The following SDK2 variants were observed in gnomAD, a reference collection of about 807,000 sequenced individuals.
SDK2 encodes the protein sidekick cell adhesion molecule 2.
A neutral mutation model predicts 253.9 loss-of-function variants in SDK2; 105 were observed. The ratio of observed to expected loss-of-function variants is 0.41; its 90% CI spans 0.35 to 0.49. The LOEUF (loss-of-function observed/expected upper bound fraction) is 0.49. SDK2 is among the 20% of genes least tolerant of loss of function. SDK2 has a pLI of 0.06. For synonymous variants in SDK2, 1,249 were observed against 1,234.9 expected (o/e 1.01, Z -0.24); for missense variants, 2,608 against 3,003.0 (o/e 0.87, Z 3.07).
intron 1 of SDK2, chr17:73,513,641 GTACTT>G (rs2063999329): frequency 6.6e-6 from 1 of 152,192 alleles, no homozygotes. Flanking sequence ...TGAAATGACA[GTACTT>G]CAGAGCCGCT....
rs2045503816 is a variant in SDK2 at position 73,579,543 on chromosome 17, C to T, written c.64+64482G>A. On this transcript the variant is annotated intron_variant, in intron 1 of 44. Coordinates refer to ENST00000392650, the MANE Select transcript of SDK2 (RefSeq NM_001144952.2). ...GATGGGCTGAATTGCCCTACCCACC[C>T]CAGAATCCAGATGTTGAAGTCCTAA... Among the ~76,000 whole-genome samples, 5 of 152,178 alleles carry T rather than the reference C, an allele frequency of 3.3e-5. No homozygotes were observed. In the South Asian group the frequency reaches 1.0e-3, roughly 31 times the overall value.
intron 1 of SDK2, among the ~76,000 whole-genome samples, chr17:73,558,272 C>T (rs1400743863): frequency 6.6e-6 from 1 of 152,244 alleles, no homozygotes; most frequent in Non-Finnish European, 1.5e-5. Context: ...AAAGATGTGG[C>T]TGTGACTAGC....
chr17:73,416,258 G>T (rs113354595), intron 16 of SDK2, among the ~76,000 whole-genome samples: 1 of 145,686 alleles, frequency 6.9e-6, no homozygotes, highest in African/African-American at 2.6e-5. Flanking sequence ...GCGCAGTGGC[G>T]CAATCTCGGC....
At chr17:73,376,547 A>G (rs2062782808) in intron 36 of SDK2, among the ~76,000 whole-genome samples, 1 of 152,222 alleles carries the variant, frequency 6.6e-6, no homozygotes, top group South Asian at 2.1e-4. Flanking sequence ...TCCAGGAGGT[A>G]GCACTTTCTC....
At chr17:73,474,750 A>G (rs1230733352) in intron 2 of SDK2, among the ~76,000 whole-genome samples, 1 of 152,132 alleles carries the variant, frequency 6.6e-6, no homozygotes, top group East Asian at 1.9e-4. Context: ...GAACTGTCTG[A>G]GTCTGTAAAG....
At chr17:73,396,373 G>A (rs12949882) in intron 24 of SDK2, among the ~76,000 whole-genome samples, 51,622 of 151,852 alleles carry the variant, frequency 0.34, 10,899 homozygotes, top group Non-Finnish European at 0.48. Context: ...ACAGAGCTGG[G>A]GTGGGGGCAT....
Position 73,350,384 on chromosome 17 carries a change from G to A in SDK2, c.5900-9C>T, listed in dbSNP as rs376004218. The A allele has an allele frequency of 2.5e-5, 40 of 1,611,864 alleles. No homozygotes were observed. The highest frequency in any genetic ancestry group is 1.5e-4 in the African/African-American group (11 of 74,894). ...AGACTTGGCACTGTTCCCTGAAGTCGGCGGGAGATTGACACCCTTTAGACT... is the reference window on the plus strand; with the variant it reads ...AGACTTGGCACTGTTCCCTGAAGTCAGCGGGAGATTGACACCCTTTAGACT... On this transcript the variant is annotated splice_polypyrimidine_tract_variant and intron_variant, in intron 42 of 44. Transcript: ENST00000392650.
At chr17:73,530,350 A>G (rs2064159734) in intron 1 of SDK2, among the ~76,000 whole-genome samples, 1 of 152,156 alleles carries the variant, frequency 6.6e-6, no homozygotes, top group African/African-American at 2.4e-5. Flanking sequence ...GAGAGAGTGC[A>G]GGGGAAACTA....
intron 1 of SDK2, among the ~76,000 whole-genome samples, chr17:73,626,350 C>T (rs1161716678): frequency 6.6e-6 from 1 of 152,240 alleles, no homozygotes; most frequent in East Asian, 1.9e-4. Flanking sequence ...CCAAGGAAAC[C>T]TCCACCCCCA....
At chr17:73,565,661 C>T (rs1234692286) in intron 1 of SDK2, among the ~76,000 whole-genome samples, 1 of 152,124 alleles carries the variant, frequency 6.6e-6, no homozygotes, top group Non-Finnish European at 1.5e-5. Flanking sequence ...GGTATTTATC[C>T]CCTCCAAATC....
chr17:73,478,661 A>C, intron 2 of SDK2, among the ~76,000 whole-genome samples: 1 of 152,158 alleles, frequency 6.6e-6, no homozygotes, highest in South Asian at 2.1e-4. Flanking sequence ...TAACAGCCTA[A>C]CAAATGTGGC....
chr17:73,375,896 A>AAATAC (rs2062775473), intron 36 of SDK2, among the ~76,000 whole-genome samples: 1 of 151,478 alleles, frequency 6.6e-6, no homozygotes, highest in East Asian at 1.9e-4. Flanking sequence ...AACTAAACTA[A>AAATAC]AATAAAATAA....
intron 1 of SDK2, among the ~76,000 whole-genome samples, chr17:73,537,167 G>A (rs749431720): frequency 1.3e-5 from 2 of 152,198 alleles, no homozygotes; most frequent in Non-Finnish European, 2.9e-5. Flanking sequence ...ATACTCAGCC[G>A]CAGATATTAA....
intron 1 of SDK2, among the ~76,000 whole-genome samples, chr17:73,563,060 C>G (rs992909643): frequency 2.0e-5 from 3 of 152,212 alleles, no homozygotes; most frequent in African/African-American, 7.2e-5. Flanking sequence ...GCCTCACTGC[C>G]TGCCGCCCCA....
chr17:73,466,716 C>CT (rs2063600745), intron 3 of SDK2, among the ~76,000 whole-genome samples: 1 of 50,434 alleles, frequency 2.0e-5, no homozygotes, highest in East Asian at 6.3e-4. Context: ...CTGGGGAACG[C>CT]CCCCCCCCCC....
intron 2 of SDK2, among the ~76,000 whole-genome samples, chr17:73,484,711 C>A (rs541409139): frequency 5.3e-5 from 8 of 152,226 alleles, no homozygotes; most frequent in Admixed American, 5.2e-4. Context: ...TCCTTCCTGC[C>A]TCCTTCAGCT....
intron 1 of SDK2, among the ~76,000 whole-genome samples, chr17:73,627,945 G>A (rs1004655275): frequency 6.6e-6 from 1 of 152,126 alleles, no homozygotes; most frequent in Admixed American, 6.5e-5. Flanking sequence ...CCAGCTACTC[G>A]GGAGGCTGAG....
rs146888812 is a variant in SDK2 at position 73,483,521 on chromosome 17, GTA to G, written c.225-11305_225-11304del. Among the ~76,000 whole-genome samples the G allele has an allele frequency of 5.9e-3, 791 of 134,544 alleles. 12 individuals are homozygous for G. Among genetic ancestry groups the G allele is most frequent in the African/African-American group, 0.021 (748 of 35,226 alleles). The allele number at this position is 134,544 out of a possible 152,430, so 88.3% of individuals were successfully genotyped here. On this transcript the variant is annotated intron_variant, in intron 2 of 44. Transcript: ENST00000392650. The stretch of plus-strand genomic sequence containing the variant: ...TGTGTGTGTGTGTGTATGTGTGTGT[GTA>G]TATATATATGTATGTATATATGTAT...
Position 73,435,394 on chromosome 17 carries a change from A to C in SDK2, c.1195+56T>G. 6.7e-7 allele frequency: 1 copy of C among 1,490,624 alleles called. No individual in the cohort carries two copies. Among genetic ancestry groups the C allele is most frequent in the South Asian group, 1.3e-5 (1 of 75,936 alleles). 92.3% of individuals were successfully genotyped at this position (1,490,624 alleles called of 1,614,324 possible). A position where few individuals can be genotyped will look rare whatever the true frequency, so the allele number is the denominator to read the frequency against. On this transcript the variant is annotated intron_variant, in intron 9 of 44. Transcript: ENST00000392650. The surrounding 1 kb of genome is among the most constrained non-coding windows in gnomAD (Gnocchi z 5.7). ...AGGCCCCTCGGAAGACCTTGGAAGA[A>C]AGCTGCGTCCTGGGAAGAGGGGCTC...
Sources: gnomAD v4.1 joint callset for allele counts (sites outside exome capture counted in the v4.1 genomes callset) on GRCh38, gnomAD v4.1.1 for gene constraint, Gnocchi (gnomAD v3.1) non-coding constraint, MANE v1.5 for transcripts, NCBI Gene and HGNC (gene_info 2026-07-23, HGNC 2026-07-21) for gene names.